Variants in ATP13A2 observed in about 807,000 individuals in gnomAD.
ATP13A2 encodes the protein ATPase cation transporting 13A2, also known as polyamine-transporting ATPase 13A2.
A neutral mutation model predicts 138.3 loss-of-function variants in ATP13A2; 83 were observed. That is an observed-to-expected ratio of 0.60 (90% CI 0.50 to 0.72). The LOEUF is 0.72. ATP13A2 is among the 30% of genes least tolerant of loss of function. The probability of loss-of-function intolerance (pLI) is 0.00; values close to 1 mark genes in which losing one functional copy is unlikely to be tolerated. For synonymous variants in ATP13A2, 663 were observed against 699.0 expected, an observed-to-expected ratio of 0.95 and a Z score of 0.81; for missense variants, 1,402 against 1,606.4, an observed-to-expected ratio of 0.87 and a Z score of 2.17.
At chr1:17,007,784 C>CT (rs1256347873) in intron 1 of ATP13A2, among the ~76,000 whole-genome samples, 1 of 152,072 alleles carries the variant, frequency 6.6e-6, no homozygotes, top group Non-Finnish European at 1.5e-5. Context: ...ATCTCCCGAC[C>CT]TCGTGATCCG....
In ATP13A2 at chr1:16,989,934, G is replaced by C. The variant is rs1474935290; in HGVS notation, c.2482C>G (p.Pro828Ala). ...PRSRHLALSG[P>A]TFGIIVKHFP... ...TGCTTCACAATGATACCAAAGGTGGGCCCGCTGAGGGCCAGGTGCCTGGAT... is the reference window on the plus strand; with the variant it reads ...TGCTTCACAATGATACCAAAGGTGGCCCCGCTGAGGGCCAGGTGCCTGGAT... Residue 828 changes from proline to alanine, a missense_variant, in exon 22 of 29, where the codon CCC (proline) becomes GCC (alanine). By Grantham distance (27) the Pro-to-Ala change is conservative. Coordinates refer to ENST00000326735, the MANE Select transcript of ATP13A2 (RefSeq NM_022089.4). The C allele has an allele frequency of 6.2e-7, 1 of 1,600,294 alleles. No homozygotes were observed. The highest frequency in any genetic ancestry group is 1.1e-5 in the South Asian group (1 of 89,658).
Position 17,005,024 on chromosome 1 carries a change from C to T in ATP13A2, c.337G>A (p.Gly113Ser), listed in dbSNP as rs750571443. ...FTVQVQTEAI[G>S]EGSLEPSPQS... ...ATGGGGCTGCCTCACCTGCCCTCGC[C>T]GATGGCCTCAGTCTGCACCTGGACA... Residue 113 changes from glycine (G) to serine (S), a missense_variant, in exon 4 of 29, where the codon GGC becomes AGC. Coordinates refer to ENST00000326735, the MANE Select transcript of ATP13A2 (RefSeq NM_022089.4). 1.7e-5 allele frequency: 28 copies of T among 1,613,888 alleles called. No individual in the cohort carries two copies. The highest frequency in any genetic ancestry group is 2.1e-5 in the Non-Finnish European group (25 of 1,180,012).
In ATP13A2 at chr1:16,988,360, C is replaced by G. The variant is rs79724242; in HGVS notation, c.2724G>C (p.Ser908=). 3 of 1,614,150 alleles carry G rather than the reference C, an allele frequency of 1.9e-6. No homozygotes were observed. Among genetic ancestry groups the G allele is most frequent in the East Asian group, 4.5e-5 (2 of 44,882 alleles). ...GCACGCACTCAATACTGGCCATGCTCGAGGTGAAGGGTGAGACCACTGAGG... is the reference window on the plus strand; with the variant it reads ...GCACGCACTCAATACTGGCCATGCTGGAGGTGAAGGGTGAGACCACTGAGG... ...AEASVVSPFT[S]SMASIECVPM... is the part of the protein sequence containing the mutation. The change falls in exon 24 of 29, where the codon TCG becomes TCC. Residue 908 remains serine, a synonymous_variant. Coordinates refer to ENST00000326735, the MANE Select transcript of ATP13A2 (RefSeq NM_022089.4).
intron 25 of ATP13A2, 146 bp from the exon 26 acceptor site, chr1:16,987,415 G>C: frequency 1.2e-6 from 1 of 827,076 alleles, no homozygotes; most frequent in Non-Finnish European, 2.0e-6. Context: ...TCTCCTGCCA[G>C]CCCAGCGGAG....
At chr1:16,996,232 C>T (rs1176831081) in intron 14 of ATP13A2, 22 bp downstream of exon 14, 1 of 1,614,076 alleles carries the variant, frequency 6.2e-7, no homozygotes, top group Non-Finnish European at 8.5e-7. Flanking sequence ...GCAGCACCCC[C>T]CACCCCACCC....
At chr1:16,992,680 G>A in intron 16 of ATP13A2, 99 bp from the exon 17 acceptor site, 4 of 1,292,188 alleles carry the variant, frequency 3.1e-6, no homozygotes, top group South Asian at 2.5e-5. Flanking sequence ...AGACTGAATG[G>A]TGGGTTAAGA....
In ATP13A2 at chr1:16,986,246, G is replaced by A. The variant is rs372995036; in HGVS notation, c.3518C>T (p.Pro1173Leu). The change falls in exon 29 of 29, where the codon CCG becomes CTG. Residue 1173 changes from proline to leucine, a missense_variant. Coordinates refer to ENST00000326735, the MANE Select transcript of ATP13A2 (RefSeq NM_022089.4). The surrounding 1 kb of genome is among the most constrained non-coding windows in gnomAD (Gnocchi z 6.9). ...CTACCTCAGGGGGCCGGCGGGCAGC[G>A]GCGGCCAGGGCTGCTCGGCCAGCTC... ...ERELAEQPWP[P>L]LPAGPLR 165 of 1,609,526 alleles carry A rather than the reference G, an allele frequency of 1.0e-4. No individual in the cohort carries two copies. The highest frequency in any genetic ancestry group is 1.0e-4 in the Non-Finnish European group (122 of 1,178,652).
chr1:16,986,869 C>T lies in ATP13A2; in HGVS notation c.3171G>A (p.Gln1057=), dbSNP rs762212020. The change falls in exon 27 of 29, where the codon CAG becomes CAA. Residue 1057 remains glutamine, a synonymous_variant. Coordinates refer to ENST00000326735, the MANE Select transcript of ATP13A2 (RefSeq NM_022089.4). The surrounding 1 kb of genome is among the most constrained non-coding windows in gnomAD (Gnocchi z 6.9). ...ACACGGCTGCAGCCAGGATGAGGTA[C>T]TGGAAGCTGGACAGAGAGAAGACCA... is the stretch of plus-strand genomic sequence containing the variant. ...NTVVFSLSSF[Q]YLILAAAVSK... is the part of the protein sequence containing the mutation. The T allele has an allele frequency of 6.2e-7, 1 of 1,614,084 alleles. No homozygotes were observed. The highest frequency in any genetic ancestry group is 8.5e-7 in the Non-Finnish European group (1 of 1,180,004).
At chr1:17,002,162 G>T in intron 7 of ATP13A2, 59 bp from the exon 8 acceptor site, 1 of 1,588,688 alleles carries the variant, frequency 6.3e-7, no homozygotes, top group South Asian at 1.1e-5. Context: ...GACCCTCCCG[G>T]GGTGAAGGAG....
rs372182128 is a variant in ATP13A2 at position 16,987,070 on chromosome 1, T to C, written c.3059A>G (p.Tyr1020Cys). The C allele has an allele frequency of 1.7e-5, 28 of 1,613,260 alleles. No individual in the cohort carries two copies. The highest frequency in any genetic ancestry group is 3.3e-4 in the Middle Eastern group (2 of 6,036). ...VLVTGVQLGG[Y>C]FLTLAQPWFV... ...CCATGGCTGGGCCAGGGTCAGGAAG[T>C]AGCCCCCTAGCTGCACGCCGGTCAC... is the stretch of plus-strand genomic sequence containing the variant. Residue 1020 changes from tyrosine (Y) to cysteine (C), a missense_variant, in exon 26 of 29, where the codon TAC becomes TGC. Physicochemically the swap from Tyr to Cys is radical, Grantham distance 194. Transcript: ENST00000326735.
chr1:16,998,877 AGGCAAATCAGCCC>A (rs2077237619), intron 11 of ATP13A2, among the ~76,000 whole-genome samples: 1 of 152,138 alleles, frequency 6.6e-6, no homozygotes, highest in Non-Finnish European at 1.5e-5. Flanking sequence ...ACAAAAGGAG[AGGCAAATCAGCCC>A]ATGTGCACAC....
In ATP13A2 at chr1:17,000,523, G is replaced by A. The variant is rs774992070; in HGVS notation, c.717C>T (p.Pro239=). 6.2e-6 allele frequency: 10 copies of A among 1,613,864 alleles called. No homozygotes were observed. Among genetic ancestry groups the A allele is most frequent in the Non-Finnish European group, 8.5e-6 (10 of 1,179,924 alleles). The change falls in exon 9 of 29, where the codon CCC becomes CCT. Residue 239 remains proline, a synonymous_variant. Transcript: ENST00000326735. Reference sequence around the variant, plus strand: ...TGCTGAAGGCCTGGAACCCATAGTAGGGGTTCAGTGCCTGGGGGAGGGGCG... The same window carrying A: ...TGCTGAAGGCCTGGAACCCATAGTAAGGGTTCAGTGCCTGGGGGAGGGGCG... ...PQLLVDEALN[P]YYGFQAFSIA... is the part of the protein sequence containing the mutation.
chr1:17,002,115 G>C lies in ATP13A2; in HGVS notation c.636-12C>G. 1.2e-6 allele frequency: 2 copies of C among 1,612,572 alleles called. No homozygotes were observed. Among genetic ancestry groups the C allele is most frequent in the Non-Finnish European group, 1.7e-6 (2 of 1,179,256 alleles). On this transcript the variant is annotated splice_polypyrimidine_tract_variant and intron_variant, in intron 7 of 28. Coordinates refer to ENST00000326735, the MANE Select transcript of ATP13A2 (RefSeq NM_022089.4). ...CGTAAATGGCCTTCCTGGAAGAGGG[G>C]ATGAGGCCAAGCCATCAGAAGGAGG...
In ATP13A2 at chr1:17,005,223, G is replaced by A. The variant is rs184567716; in HGVS notation, c.288+151C>T. ...ACCCGACCCGTCCCTTCTGCCCAAT[G>A]CTCAGATGGGAAAGCTGAGGTCCAG... is the stretch of plus-strand genomic sequence containing the variant. On this transcript the variant is annotated intron_variant, in intron 3 of 28. Coordinates refer to ENST00000326735, the MANE Select transcript of ATP13A2 (RefSeq NM_022089.4). The A allele has an allele frequency of 2.7e-5, 39 of 1,448,220 alleles. 1 individual carries two copies. In the East Asian group the frequency reaches 9.2e-4, roughly 34 times the overall value. 89.7% of individuals were successfully genotyped at this position (1,448,220 alleles called of 1,614,324 possible). A position where few individuals can be genotyped will look rare whatever the true frequency, so the allele number is the denominator to read the frequency against.
chr1:17,006,407 T>G (rs1052734176), intron 1 of ATP13A2, among the ~76,000 whole-genome samples: 1 of 151,518 alleles, frequency 6.6e-6, no homozygotes, highest in Admixed American at 6.6e-5. Context: ...TGCACCACCA[T>G]GCCCAGCTAA....
chr1:16,991,220 G>C lies in ATP13A2; in HGVS notation c.2251+514C>G, dbSNP rs148961082. On this transcript the variant is annotated intron_variant, in intron 20 of 28. Transcript: ENST00000326735. ...CCCGCGTCGGCCTCCCAAAGTGCTG[G>C]GATTACAGGCGTGAGACACTGTGCC... Among the ~76,000 whole-genome samples the C allele has an allele frequency of 9.5e-3, 1,443 of 152,284 alleles. 27 individuals carry two copies. Among genetic ancestry groups the C allele is most frequent in the African/African-American group, 0.033 (1,383 of 41,544 alleles).
rs981652897 is a variant in ATP13A2, at chr1:16,991,573, CG to C, written c.2251+160del. Among the ~76,000 whole-genome samples the C allele has an allele frequency of 8.7e-4, 132 of 152,222 alleles. 1 individual carries two copies. Among genetic ancestry groups the C allele is most frequent in the African/African-American group, 3.1e-3 (127 of 41,524 alleles). ...AAACAGGGGTGACAATTACCACTTG[CG>C]GGGGGGATATTGTGAAGATTCACGA... On this transcript the variant is annotated intron_variant, in intron 20 of 28. Transcript: ENST00000326735.
chr1:17,001,246 C>T (rs1016982036), intron 8 of ATP13A2, among the ~76,000 whole-genome samples: 4 of 124,206 alleles, frequency 3.2e-5, no homozygotes, highest in African/African-American at 9.9e-5. Context: ...AGTGAATCCC[C>T]GTATCTACTA....
intron 1 of ATP13A2, 78 bp from the exon 2 acceptor site, chr1:17,005,856 TG>T: frequency 7.2e-7 from 1 of 1,391,732 alleles, no homozygotes; most frequent in East Asian, 2.5e-5. Context: ...AACATCAGCC[TG>T]GGCGCGGTGG....
Sources: allele counts gnomAD v4.1 joint callset (sites outside exome capture counted in the v4.1 genomes callset), GRCh38; gene constraint gnomAD v4.1.1; non-coding constraint Gnocchi (gnomAD v3.1); transcripts MANE v1.5; gene names NCBI Gene and HGNC (gene_info 2026-07-23, HGNC 2026-07-21).